GMDS: variants seen among roughly 807,000 people sequenced by gnomAD.
GMDS encodes the protein GDP-mannose 4,6-dehydratase.
A neutral mutation model predicts 49.9 loss-of-function variants in GMDS; 20 were observed. The observed-to-expected ratio is 0.40, with a 90% CI of 0.28 to 0.58. The LOEUF is 0.58. Among genes scored for constraint, GMDS ranks in the 20% least tolerant of loss-of-function variants. The pLI, the probability that GMDS is intolerant of heterozygous loss-of-function variation, is 0.42. For synonymous variants in GMDS, 177 were observed against 178.6 expected, an observed-to-expected ratio of 0.99 and a Z score of 0.07; for missense variants, 362 against 481.4, an observed-to-expected ratio of 0.75 and a Z score of 2.32.
At chr6:1,989,219 G>C (rs779068230) in intron 4 of GMDS, among the ~76,000 whole-genome samples, 17 of 152,216 alleles carry the variant, frequency 1.1e-4, no homozygotes, top group Non-Finnish European at 1.9e-4. Flanking sequence ...AAGAAAAGAA[G>C]TAGATAGGGC....
chr6:1,946,498 G>A (rs1012987554), intron 6 of GMDS, among the ~76,000 whole-genome samples: 2 of 96,568 alleles, frequency 2.1e-5, no homozygotes, highest in Non-Finnish European at 2.1e-5. Flanking sequence ...AGTGTTACCT[G>A]CTATGCTATC....
intron 7 of GMDS, among the ~76,000 whole-genome samples, chr6:1,843,551 C>A (rs772533943): frequency 1.3e-5 from 2 of 152,092 alleles, no homozygotes; most frequent in Non-Finnish European, 2.9e-5. Flanking sequence ...GTAGATCACT[C>A]AAGCTCATGA....
intron 7 of GMDS, among the ~76,000 whole-genome samples, chr6:1,846,767 C>T (rs534099296): frequency 2.6e-5 from 4 of 152,272 alleles, no homozygotes; most frequent in Non-Finnish European, 4.4e-5. Context: ...CTGTGTGTAC[C>T]GGAAAGCAAA....
At chr6:2,005,571 T>G (rs897164539) in intron 4 of GMDS, among the ~76,000 whole-genome samples, 2 of 152,182 alleles carry the variant, frequency 1.3e-5, no homozygotes, top group African/African-American at 2.4e-5. Flanking sequence ...CTAGACCCCA[T>G]AGTCTGTCAC....
chr6:2,106,561 G>A (rs891910652), intron 4 of GMDS, among the ~76,000 whole-genome samples: 1 of 152,058 alleles, frequency 6.6e-6, no homozygotes, highest in Non-Finnish European at 1.5e-5. Flanking sequence ...ATTACATACT[G>A]TAATCTAATC....
At chr6:1,679,273 G>T (rs1764715941) in intron 9 of GMDS, 1 of 152,252 alleles carries the variant, frequency 6.6e-6, no homozygotes, top group Non-Finnish European at 1.5e-5. Flanking sequence ...ATAGCCCTGT[G>T]ACACCCTCTT....
At chr6:1,664,517 G>C (rs1408292686) in intron 9 of GMDS, among the ~76,000 whole-genome samples, 2 of 152,180 alleles carry the variant, frequency 1.3e-5, no homozygotes, top group Non-Finnish European at 2.9e-5. Context: ...GTTCTCCCTA[G>C]AGTCCCCGAT....
At chr6:2,209,519 G>A (rs1358167205) in intron 1 of GMDS, among the ~76,000 whole-genome samples, 1 of 151,142 alleles carries the variant, frequency 6.6e-6, no homozygotes, top group Non-Finnish European at 1.5e-5. Context: ...CAAGTGCCAA[G>A]TCAAACCTTG....
chr6:1,951,723 C>G (rs947783813), intron 6 of GMDS, among the ~76,000 whole-genome samples: 5 of 152,082 alleles, frequency 3.3e-5, no homozygotes, highest in Admixed American at 6.6e-5. Context: ...TATATTAGTT[C>G]TTCCTATTAC....
intron 4 of GMDS, among the ~76,000 whole-genome samples, chr6:2,046,587 G>T (rs557953870): frequency 6.6e-6 from 1 of 152,214 alleles, no homozygotes; most frequent in East Asian, 1.9e-4. Context: ...AGCCTCCAGA[G>T]TAGCTGGGAC....
At chr6:2,020,957 T>A (rs1325890963) in intron 4 of GMDS, among the ~76,000 whole-genome samples, 7 of 152,202 alleles carry the variant, frequency 4.6e-5, no homozygotes, top group African/African-American at 9.6e-5. Context: ...AAAACAAATG[T>A]GAAAGGTTTT....
At chr6:1,686,779 G>C (rs1321458280) in intron 9 of GMDS, among the ~76,000 whole-genome samples, 1 of 152,200 alleles carries the variant, frequency 6.6e-6, no homozygotes, top group Non-Finnish European at 1.5e-5. Flanking sequence ...CCAGGTTGCA[G>C]GGCTGGCAAT....
intron 1 of GMDS, among the ~76,000 whole-genome samples, chr6:2,164,341 T>C (rs527653303): frequency 6.6e-6 from 1 of 152,340 alleles, no homozygotes; most frequent in East Asian, 1.9e-4. Flanking sequence ...TCAGGGGTCA[T>C]GTCTTGAACC....
At chr6:2,105,495 C>T (rs1774191168) in intron 4 of GMDS, among the ~76,000 whole-genome samples, 1 of 152,110 alleles carries the variant, frequency 6.6e-6, no homozygotes. Flanking sequence ...TAGAAAGGCA[C>T]TCTAGTGTGA....
chr6:1,731,763 T>C (rs371597081), intron 8 of GMDS, among the ~76,000 whole-genome samples: 3 of 152,170 alleles, frequency 2.0e-5, no homozygotes, highest in Non-Finnish European at 2.9e-5. Context: ...CAGTGCAGGA[T>C]AGCAGCTAAG....
intron 4 of GMDS, among the ~76,000 whole-genome samples, chr6:1,965,505 A>C (rs1301849940): frequency 6.6e-6 from 1 of 152,180 alleles, no homozygotes; most frequent in African/African-American, 2.4e-5. Flanking sequence ...TGAACAGTAC[A>C]TTGTGGCTGA....
chr6:2,201,790 T>A (rs1223316762), intron 1 of GMDS, among the ~76,000 whole-genome samples: 185 of 67,996 alleles, frequency 2.7e-3, no homozygotes, highest in Middle Eastern at 8.2e-3. Flanking sequence ...ATCCGAGATG[T>A]AACCATCTAG....
intron 8 of GMDS, among the ~76,000 whole-genome samples, chr6:1,726,736 T>G (rs1382644116): frequency 6.6e-6 from 1 of 152,182 alleles, no homozygotes; most frequent in Non-Finnish European, 1.5e-5. Flanking sequence ...TTCAAGAAAA[T>G]CATGACGAAT....
chr6:2,174,756 A>G (rs1581750443), intron 1 of GMDS, among the ~76,000 whole-genome samples: 1 of 151,922 alleles, frequency 6.6e-6, no homozygotes, highest in South Asian at 2.1e-4. Context: ...TTTAGTAGAG[A>G]CGGGATTGCA....
Sources: gnomAD v4.1 joint callset for allele counts (sites outside exome capture counted in the v4.1 genomes callset) on GRCh38, gnomAD v4.1.1 for gene constraint, MANE v1.5 for transcripts, NCBI Gene and HGNC (gene_info 2026-07-23, HGNC 2026-07-21) for gene names.